Variants in UVRAG observed in about 807,000 individuals in gnomAD.
UVRAG encodes the protein UV radiation resistance-associated gene protein.
In UVRAG, 19 loss-of-function variants were observed where a neutral mutation model predicts 78.0. The observed-to-expected ratio is 0.24, with a 90% confidence interval of 0.17 to 0.36. The LOEUF (loss-of-function observed/expected upper bound fraction) is 0.36, where lower values mean the gene tolerates loss of function less well. UVRAG is among the 10% of genes least tolerant of loss of function. The pLI, the probability that UVRAG is intolerant of heterozygous loss-of-function variation, is 1.00. For missense variants in UVRAG, 740 were observed against 853.8 expected (o/e 0.87, Z 1.66); for synonymous variants, 323 against 324.6 (o/e 1.00, Z 0.05).
chr11:75,979,260 G>T (rs1013616107), intron 7 of UVRAG, among the ~76,000 whole-genome samples: 2 of 152,206 alleles, frequency 1.3e-5, no homozygotes, highest in Admixed American at 6.5e-5. Flanking sequence ...GGGGCACCTG[G>T]CCGTATGAGG....
intron 12 of UVRAG, among the ~76,000 whole-genome samples, chr11:76,045,103 C>T (rs1204088849): frequency 1.3e-5 from 2 of 152,198 alleles, no homozygotes; most frequent in Non-Finnish European, 2.9e-5. Context: ...AACTACCTTT[C>T]ACTTCACCAG....
chr11:76,129,701 C>A (rs927408447), intron 14 of UVRAG, among the ~76,000 whole-genome samples: 2 of 152,178 alleles, frequency 1.3e-5, no homozygotes, highest in African/African-American at 4.8e-5. Context: ...CTGCCAATTT[C>A]TCCTGCTATT....
chr11:76,131,968 G>GT (rs553261025), intron 14 of UVRAG, among the ~76,000 whole-genome samples: 1 of 152,146 alleles, frequency 6.6e-6, no homozygotes, highest in Non-Finnish European at 1.5e-5. Flanking sequence ...TATGAAGGTT[G>GT]TTTTTTTGAA....
chr11:76,098,667 G>A (rs994067484), intron 13 of UVRAG, among the ~76,000 whole-genome samples: 7 of 152,166 alleles, frequency 4.6e-5, no homozygotes, highest in Non-Finnish European at 1.5e-5. Context: ...GTATCATAAT[G>A]TGCTCAAAGA....
At chr11:76,125,376 A>C (rs1466543981) in intron 14 of UVRAG, among the ~76,000 whole-genome samples, 1 of 152,242 alleles carries the variant, frequency 6.6e-6, no homozygotes, top group Non-Finnish European at 1.5e-5. Flanking sequence ...AGACAGGAAC[A>C]CACAAGGCAT....
intron 14 of UVRAG, among the ~76,000 whole-genome samples, chr11:76,119,711 C>T (rs147451410): frequency 1.3e-5 from 2 of 152,316 alleles, no homozygotes; most frequent in Non-Finnish European, 2.9e-5. Context: ...GTTCACTTCC[C>T]ATCTCTGCTA....
chr11:76,077,125 A>G (rs1444831820), intron 13 of UVRAG, among the ~76,000 whole-genome samples: 2 of 148,608 alleles, frequency 1.3e-5, no homozygotes, highest in East Asian at 3.9e-4. Context: ...TGTTTAATGT[A>G]TATTATATAT....
intron 3 of UVRAG, among the ~76,000 whole-genome samples, chr11:75,873,085 G>A (rs1340745460): frequency 6.6e-6 from 1 of 152,164 alleles, no homozygotes; most frequent in African/African-American, 2.4e-5. Flanking sequence ...ATAGAGGAGC[G>A]GCAGCCAGCC....
chr11:76,140,606 T>A, intron 14 of UVRAG, 105 bp from the exon 15 acceptor site: 10 of 1,125,910 alleles, frequency 8.9e-6, no homozygotes, highest in Non-Finnish European at 1.2e-5. Flanking sequence ...CTTATCTATT[T>A]TTATTAGCTC....
At chr11:75,895,381 T>G (rs1468778517) in intron 5 of UVRAG, among the ~76,000 whole-genome samples, 1 of 152,196 alleles carries the variant, frequency 6.6e-6, no homozygotes, top group Non-Finnish European at 1.5e-5. Context: ...CCCAAAGGCT[T>G]TACATCTTTC....
At chr11:75,891,708 G>A (rs1947215939) in intron 5 of UVRAG, among the ~76,000 whole-genome samples, 1 of 152,134 alleles carries the variant, frequency 6.6e-6, no homozygotes, top group East Asian at 1.9e-4. Flanking sequence ...TCAGCAGTTC[G>A]AGACCAGTCT....
At chr11:76,092,327 A>T (rs1399058757) in intron 13 of UVRAG, among the ~76,000 whole-genome samples, 14 of 152,144 alleles carry the variant, frequency 9.2e-5, no homozygotes, top group Admixed American at 8.5e-4. Context: ...TAGCAGCATG[A>T]TTTATAATCC....
chr11:76,010,894 C>T (rs746867313), intron 11 of UVRAG, among the ~76,000 whole-genome samples: 3 of 151,982 alleles, frequency 2.0e-5, no homozygotes, highest in Non-Finnish European at 2.9e-5. Flanking sequence ...ATTTTATTCT[C>T]GAGGAAGTAG....
At chr11:76,063,371 T>C (rs1483256038) in intron 12 of UVRAG, among the ~76,000 whole-genome samples, 3 of 152,188 alleles carry the variant, frequency 2.0e-5, no homozygotes, top group African/African-American at 4.8e-5. Context: ...AAAGGTGGGC[T>C]CTGATAATTA....
At chr11:75,832,447 T>C (rs1436683284) in intron 1 of UVRAG, among the ~76,000 whole-genome samples, 1 of 152,142 alleles carries the variant, frequency 6.6e-6, no homozygotes, top group African/African-American at 2.4e-5. Context: ...TATTATAGGT[T>C]TAGGATAAAG....
intron 1 of UVRAG, among the ~76,000 whole-genome samples, chr11:75,828,436 C>T (rs1277856956): frequency 1.4e-5 from 2 of 140,184 alleles, no homozygotes; most frequent in Non-Finnish European, 3.0e-5. Context: ...TAGTGAGACC[C>T]CCATCTCTAA....
chr11:75,894,534 C>G (rs570211167), intron 5 of UVRAG, among the ~76,000 whole-genome samples: 59 of 152,056 alleles, frequency 3.9e-4, no homozygotes, highest in African/African-American at 1.4e-3. Context: ...GTCAAGTGTA[C>G]ATGTTAAAAA....
intron 6 of UVRAG, among the ~76,000 whole-genome samples, chr11:75,932,961 A>G (rs1262121249): frequency 6.6e-6 from 1 of 152,174 alleles, no homozygotes; most frequent in Non-Finnish European, 1.5e-5. Context: ...TGCAATTTCT[A>G]TCAAAATATC....
intron 13 of UVRAG, among the ~76,000 whole-genome samples, chr11:76,086,342 T>C (rs1012442833): frequency 2.6e-5 from 4 of 152,210 alleles, no homozygotes; most frequent in African/African-American, 9.6e-5. Flanking sequence ...GGTAACCTTC[T>C]TGCATGGAAT....
Sources: allele counts gnomAD v4.1 joint callset (sites outside exome capture counted in the v4.1 genomes callset), GRCh38; gene constraint gnomAD v4.1.1; transcripts MANE v1.5; gene names NCBI Gene and HGNC (gene_info 2026-07-23, HGNC 2026-07-21).